RPS6KA6: variants seen among roughly 807,000 people sequenced by gnomAD.
The protein encoded by RPS6KA6 is ribosomal protein S6 kinase alpha-6.
RPS6KA6 carries 27 observed loss-of-function variants against 65.4 expected under a neutral mutation model. That is an observed-to-expected ratio of 0.41 (90% CI 0.30 to 0.57). The LOEUF (loss-of-function observed/expected upper bound fraction) is 0.57. Ranked by LOEUF, RPS6KA6 falls within the 20% of genes least tolerant of loss-of-function variation. RPS6KA6 has a pLI of 0.24. For missense variants in RPS6KA6, 486 were observed against 555.6 expected (o/e 0.87, Z 1.26); for synonymous variants, 190 against 184.2 (o/e 1.03, Z -0.26).
Position 84,059,877 on chromosome X carries a change from C to T in RPS6KA6, c.*4400G>A, listed in dbSNP as rs1193133907. ...TTATTTAGTGAATAATTGAAACATA[C>T]ATAATTTGCCAATATAATGTAAGCT... is the stretch of plus-strand genomic sequence containing the variant. On this transcript the variant is annotated 3_prime_UTR_variant, in exon 22 of 22. Transcript: ENST00000262752. The T allele has an allele frequency of 8.9e-6, 1 of 111,880 alleles. No homozygotes were observed. The highest frequency in any genetic ancestry group is 1.9e-5 in the Non-Finnish European group (1 of 53,149). The allele number at this position is 111,880 out of a possible 1,213,427, so 9.2% of individuals were successfully genotyped here. A position where few individuals can be genotyped will look rare whatever the true frequency, so the allele number is the denominator to read the frequency against.
chrX:84,130,128 G>A (rs1156919335), intron 8 of RPS6KA6, among the ~76,000 whole-genome samples: 1 of 110,782 alleles, frequency 9.0e-6, no homozygotes, highest in Admixed American at 9.6e-5. Context: ...ATACACGTAT[G>A]TACCCACAAA....
rs771907941 is a variant in RPS6KA6 at position 84,062,334 on chromosome X, ATC to A, written c.*1941_*1942del. ...CTTAAAATGCATCCATGGAAATAGT[ATC>A]TCTGTCCTGAAAACTTCAACACCAA... On this transcript the variant is annotated 3_prime_UTR_variant, in exon 22 of 22. Coordinates refer to ENST00000262752, the MANE Select transcript of RPS6KA6 (RefSeq NM_014496.5). 8.9e-6 allele frequency: 1 copy of A among 111,794 alleles called. No homozygotes were observed. The highest frequency in any genetic ancestry group is 3.2e-5 in the African/African-American group (1 of 30,874). The allele number at this position is 111,794 out of a possible 1,213,427, so 9.2% of individuals were successfully genotyped here. A position where few individuals can be genotyped will look rare whatever the true frequency, so the allele number is the denominator to read the frequency against.
chrX:84,138,490 C>T (rs1001668954), intron 6 of RPS6KA6, among the ~76,000 whole-genome samples: 1 of 111,330 alleles, frequency 9.0e-6, no homozygotes, highest in Non-Finnish European at 1.9e-5. Context: ...GAGGTTGAGG[C>T]TGCAATGAGC....
At chrX:84,130,845 A>G (rs1292787911) in intron 8 of RPS6KA6, among the ~76,000 whole-genome samples, 4 of 111,602 alleles carry the variant, frequency 3.6e-5, no homozygotes, top group Admixed American at 2.9e-4. Context: ...GGCTTGGGGT[A>G]AAGGGAGGAC....
chrX:84,169,372 G>A (rs759493144), intron 1 of RPS6KA6, among the ~76,000 whole-genome samples: 2 of 109,718 alleles, frequency 1.8e-5, no homozygotes, highest in African/African-American at 3.3e-5. Flanking sequence ...CAAATTTATC[G>A]CTTTCTTACT....
chrX:84,176,035 T>C (rs1473097767), intron 1 of RPS6KA6, among the ~76,000 whole-genome samples: 1 of 112,369 alleles, frequency 8.9e-6, no homozygotes, highest in South Asian at 3.7e-4. Context: ...ACTGAGTCAC[T>C]GAGTAACTAC....
chrX:84,134,203 G>T (rs747704602), intron 8 of RPS6KA6, among the ~76,000 whole-genome samples: 1 of 111,852 alleles, frequency 8.9e-6, no homozygotes, highest in Non-Finnish European at 1.9e-5. Context: ...TCATCATATG[G>T]AAGTATGACA....
Position 84,163,611 on chromosome X carries a change from A to G in RPS6KA6, c.141+717T>C, listed in dbSNP as rs755561799. Among the ~76,000 whole-genome samples the G allele has an allele frequency of 5.4e-3, 513 of 95,379 alleles. 2 individuals carry two copies. The highest frequency in any genetic ancestry group is 9.3e-3 in the Non-Finnish European group (451 of 48,431). 82.8% of individuals were successfully genotyped at this position (95,379 alleles called of 115,157 possible). ...CCGAGATTGCGCCACTGCAGTCCGCAGTCCGGCCTGGGCGACAGAGCGAGA... is the reference window on the plus strand; with the variant it reads ...CCGAGATTGCGCCACTGCAGTCCGCGGTCCGGCCTGGGCGACAGAGCGAGA... On this transcript the variant is annotated intron_variant, in intron 2 of 21. Coordinates refer to ENST00000262752, the MANE Select transcript of RPS6KA6 (RefSeq NM_014496.5).
rs185608716 is a variant in RPS6KA6 at position 84,085,919 on chromosome X, A to G, written c.1971+10275T>C. The stretch of plus-strand genomic sequence containing the variant: ...TCACAGGAGGGTGCATGTTCCAGGA[A>G]TTTATCCATTATTCTAGATATTCTA... On this transcript the variant is annotated intron_variant, in intron 20 of 21. Transcript: ENST00000262752. 5.5e-3 allele frequency among the ~76,000 whole-genome samples: 611 copies of G among 111,204 alleles called. 2 individuals carry two copies. Among genetic ancestry groups the G allele is most frequent in the Middle Eastern group, 0.018 (4 of 219 alleles).
intron 8 of RPS6KA6, among the ~76,000 whole-genome samples, chrX:84,126,119 T>C (rs1357082173): frequency 1.8e-5 from 2 of 110,877 alleles, no homozygotes; most frequent in Non-Finnish European, 3.8e-5. Flanking sequence ...ACTTCACCCA[T>C]AAAGATACAT....
At chrX:84,109,758 T>C (rs969233571) in intron 12 of RPS6KA6, among the ~76,000 whole-genome samples, 3 of 110,544 alleles carry the variant, frequency 2.7e-5, no homozygotes, top group African/African-American at 9.9e-5. Flanking sequence ...CTCCCTATCA[T>C]AGCCAGCAGC....
intron 20 of RPS6KA6, among the ~76,000 whole-genome samples, chrX:84,095,584 A>G (rs5968263): frequency 0.55 from 60,224 of 109,987 alleles, 13,637 homozygotes; most frequent in Non-Finnish European, 0.71. Flanking sequence ...AGTAAGAAAA[A>G]GTAAAGAATA....
chrX:84,136,998 A>G (rs762240743), intron 6 of RPS6KA6, among the ~76,000 whole-genome samples: 1 of 112,079 alleles, frequency 8.9e-6, no homozygotes, highest in Admixed American at 9.5e-5. Context: ...GCTTTTCTAA[A>G]AACAAATTTT....
rs1230177624 is a variant in RPS6KA6 at position 84,156,700 on chromosome X, G to A, written c.142-509C>T. On this transcript the variant is annotated intron_variant, in intron 2 of 21. Transcript: ENST00000262752. ...CAAAATCTGCAGAGCCCCAACAAAT[G>A]TTTCCAGGCTATGGCCCGTTTACTG... 5.4e-5 allele frequency among the ~76,000 whole-genome samples: 6 copies of A among 111,646 alleles called. No individual in the cohort carries two copies. The South Asian group carries it at 1.5e-3, about 28-fold the overall frequency.
At chrX:84,157,923 T>C (rs1213848257) in intron 2 of RPS6KA6, among the ~76,000 whole-genome samples, 1 of 109,484 alleles carries the variant, frequency 9.1e-6, no homozygotes, top group African/African-American at 3.3e-5. Context: ...GTCTTTCAAT[T>C]TTCAGCAGCA....
At chrX:84,106,766 C>A in intron 14 of RPS6KA6, 144 bp downstream of exon 14, 1 of 502,100 alleles carries the variant, frequency 2.0e-6, no homozygotes, top group Non-Finnish European at 3.2e-6. Flanking sequence ...CCAAAACACA[C>A]AGGGACATAT....
intron 6 of RPS6KA6, among the ~76,000 whole-genome samples, chrX:84,139,323 A>G (rs2035054301): frequency 8.9e-6 from 1 of 112,352 alleles, no homozygotes; most frequent in Admixed American, 9.4e-5. Context: ...GAAATCATGA[A>G]TAATGGAGCC....
intron 20 of RPS6KA6, among the ~76,000 whole-genome samples, chrX:84,069,818 A>G (rs2033493082): frequency 8.9e-6 from 1 of 112,735 alleles, no homozygotes; most frequent in African/African-American, 3.2e-5. Context: ...AAAGCTCATC[A>G]TCACTGCTCA....
chrX:84,095,746 C>T (rs1310481900), intron 20 of RPS6KA6, among the ~76,000 whole-genome samples: 5 of 111,572 alleles, frequency 4.5e-5, no homozygotes, highest in African/African-American at 1.6e-4. Flanking sequence ...CCACTCTAAG[C>T]CATCAGGAAT....
Sources: allele counts gnomAD v4.1 joint callset (sites outside exome capture counted in the v4.1 genomes callset), GRCh38; gene constraint gnomAD v4.1.1; transcripts MANE v1.5; gene names NCBI Gene and HGNC (gene_info 2026-07-23, HGNC 2026-07-21).